The following CUX2 variants were observed in gnomAD, a reference collection of about 807,000 sequenced individuals.
CUX2 encodes the protein cut like homeobox 2, also known as homeobox protein cut-like 2.
In CUX2, 40 loss-of-function variants were observed where a neutral mutation model predicts 144.8. The ratio of observed to expected loss-of-function variants is 0.28; its 90% CI spans 0.21 to 0.36. CUX2 has a LOEUF of 0.36. CUX2 is among the 10% of genes least tolerant of loss of function. The pLI, the probability that CUX2 is intolerant of heterozygous loss-of-function variation, is 1.00. For missense variants in CUX2, 1,615 were observed against 1,994.0 expected (o/e 0.81, Z 3.62); for synonymous variants, 827 against 875.6 (o/e 0.94, Z 0.98).
In CUX2 at chr12:111,291,531, C is replaced by T; in HGVS notation, c.415C>T (p.Pro139Ser). 1 of 1,610,796 alleles carries T rather than the reference C, an allele frequency of 6.2e-7. No individual in the cohort carries two copies. The highest frequency in any genetic ancestry group is 8.5e-7 in the Non-Finnish European group (1 of 1,178,384). The change falls in exon 5 of 22, where the codon CCC becomes TCC. Residue 139 changes from proline to serine, a missense_variant. By Grantham distance (74) the Pro-to-Ser change is moderately conservative (BLOSUM62 -1). This residue lies in a region of CUX2 where 295 missense variants were observed against 400.2 expected (regional missense o/e 0.74). Coordinates refer to ENST00000261726, the MANE Select transcript of CUX2 (RefSeq NM_015267.4). Reference protein sequence around the residue: ...RDLHTSWKRNPELLSPKEQRE... With the variant: ...RDLHTSWKRNSELLSPKEQRE... Reference sequence around the variant, plus strand: ...CCTCCACACTTCGTGGAAGAGGAACCCCGAGCTCCTCAGCCCCAAAGGTAC... The same window carrying T: ...CCTCCACACTTCGTGGAAGAGGAACTCCGAGCTCCTCAGCCCCAAAGGTAC...
chr12:111,179,008 C>T (rs534500000), intron 1 of CUX2, among the ~76,000 whole-genome samples: 2 of 152,248 alleles, frequency 1.3e-5, no homozygotes, highest in Admixed American at 1.3e-4. Flanking sequence ...TTGCTCAAAG[C>T]CAGCAGCAGC....
Position 111,298,602 on chromosome 12 carries a change from A to C in CUX2, c.753+13A>C, listed in dbSNP as rs1366168699. 2.0e-5 allele frequency: 31 copies of C among 1,561,364 alleles called. No individual in the cohort carries two copies. Among genetic ancestry groups the C allele is most frequent in the Non-Finnish European group, 2.6e-5 (30 of 1,151,774 alleles). ...GAAAGCTAATCAGGTGAGGAGGCGC[A>C]GTTCCCACCCGTGGGTGCCAGAGGC... On this transcript the variant is annotated intron_variant, in intron 9 of 21. Coordinates refer to ENST00000261726, the MANE Select transcript of CUX2 (RefSeq NM_015267.4).
At position 111,037,567 on chromosome 12, in the gene CUX2, C is replaced by A. The variant is rs1438259855; in HGVS notation, c.63+3327C>A. 6.6e-6 allele frequency among the ~76,000 whole-genome samples: 1 copy of A among 152,212 alleles called. No homozygotes were observed. The highest frequency in any genetic ancestry group is 2.4e-5 in the African/African-American group (1 of 41,452). On this transcript the variant is annotated intron_variant, in intron 1 of 21. Coordinates refer to ENST00000261726, the MANE Select transcript of CUX2 (RefSeq NM_015267.4). The surrounding 1 kb of genome is among the most constrained non-coding windows in gnomAD (Gnocchi z 5.4). Reference sequence around the variant, plus strand: ...CGGCACTCCTGAAACTACCTCCCCCCGTCTTTGCTTCTTTTTTGCCTTTGC... The same window carrying A: ...CGGCACTCCTGAAACTACCTCCCCCAGTCTTTGCTTCTTTTTTGCCTTTGC...
intron 1 of CUX2, among the ~76,000 whole-genome samples, chr12:111,097,784 T>A (rs1456918245): frequency 6.6e-6 from 1 of 152,118 alleles, no homozygotes; most frequent in African/African-American, 2.4e-5. Context: ...GTGGCTGTTT[T>A]GTACCTGGGG....
At chr12:111,199,374 C>T (rs1321966839) in intron 1 of CUX2, among the ~76,000 whole-genome samples, 3 of 152,148 alleles carry the variant, frequency 2.0e-5, no homozygotes, top group African/African-American at 4.8e-5. Flanking sequence ...TGGTATCCAG[C>T]CCCATCTCTC....
At chr12:111,075,140 G>A (rs1351220865) in intron 1 of CUX2, among the ~76,000 whole-genome samples, 4 of 137,284 alleles carry the variant, frequency 2.9e-5, no homozygotes, top group Non-Finnish European at 6.2e-5. Context: ...AGGAGCAGCC[G>A]CTCTCCCTGG....
intron 1 of CUX2, among the ~76,000 whole-genome samples, chr12:111,209,762 C>T (rs965716761): frequency 4.6e-5 from 7 of 152,296 alleles, no homozygotes; most frequent in African/African-American, 1.7e-4. Flanking sequence ...TCCAAGCCCC[C>T]GGCTTCTCCT....
chr12:111,335,745 T>G (rs886081285), intron 19 of CUX2, among the ~76,000 whole-genome samples: 1 of 152,050 alleles, frequency 6.6e-6, no homozygotes, highest in South Asian at 2.1e-4. Context: ...TAAAATTAGC[T>G]GCAAACTTCA....
In CUX2 at chr12:111,035,613, C is replaced by CTTTTTTTT. The variant is rs60539275; in HGVS notation, c.63+1382_63+1389dup. 1.7e-4 allele frequency among the ~76,000 whole-genome samples: 23 copies of CTTTTTTTT among 135,154 alleles called. No individual in the cohort carries two copies. Among genetic ancestry groups the CTTTTTTTT allele is most frequent in the African/African-American group, 6.3e-4 (22 of 34,928 alleles). The allele number at this position is 135,154 out of a possible 152,430, so 88.7% of individuals were successfully genotyped here. Reference sequence around the variant, plus strand: ...CAGTCTGGAGATAAAAAGGGACCCACTTTTTTTTTTTTTTTTAATCCGCCG... The same window carrying CTTTTTTTT: ...CAGTCTGGAGATAAAAAGGGACCCACTTTTTTTTTTTTTTTTTTTTTTTTAATCCGCCG... On this transcript the variant is annotated intron_variant, in intron 1 of 21. Transcript: ENST00000261726. The surrounding 1 kb of genome is among the most constrained non-coding windows in gnomAD (Gnocchi z 6.0).
At chr12:111,174,436 C>A (rs1878723341) in intron 1 of CUX2, among the ~76,000 whole-genome samples, 1 of 152,180 alleles carries the variant, frequency 6.6e-6, no homozygotes, top group Non-Finnish European at 1.5e-5. Flanking sequence ...CCTATGTTGA[C>A]GTGACATTAG....
chr12:111,104,429 A>G (rs965817802), intron 1 of CUX2, among the ~76,000 whole-genome samples: 1 of 152,190 alleles, frequency 6.6e-6, no homozygotes, highest in African/African-American at 2.4e-5. Context: ...TCTGAACCCC[A>G]TCATTTGCAG....
chr12:111,083,639 A>G (rs574935256), intron 1 of CUX2, among the ~76,000 whole-genome samples: 78 of 152,306 alleles, frequency 5.1e-4, no homozygotes, highest in African/African-American at 1.9e-3. Context: ...CTTCCTGTGC[A>G]GTTTAGTGAG....
intron 3 of CUX2, among the ~76,000 whole-genome samples, chr12:111,252,061 C>A (rs1438905800): frequency 6.6e-6 from 1 of 151,962 alleles, no homozygotes; most frequent in African/African-American, 2.4e-5. Context: ...TGGCGTGTGC[C>A]TGTAGTCCCA....
At chr12:111,315,820 G>C (rs887732799) in intron 16 of CUX2, among the ~76,000 whole-genome samples, 7 of 152,042 alleles carry the variant, frequency 4.6e-5, no homozygotes, top group African/African-American at 1.7e-4. Context: ...AGGAGTTTGA[G>C]ACTAGCCTGG....
chr12:111,153,408 T>C (rs886191732), intron 1 of CUX2, among the ~76,000 whole-genome samples: 2 of 152,040 alleles, frequency 1.3e-5, no homozygotes, highest in African/African-American at 4.8e-5. Flanking sequence ...CATCATGGAG[T>C]GTTCTTACAC....
chr12:111,090,763 C>G (rs1006082066), intron 1 of CUX2, among the ~76,000 whole-genome samples: 2 of 152,034 alleles, frequency 1.3e-5, no homozygotes, highest in Admixed American at 1.3e-4. Flanking sequence ...TCATTTTGTC[C>G]GGTGGTTTTT....
chr12:111,176,520 C>A (rs1468925053), intron 1 of CUX2, among the ~76,000 whole-genome samples: 1 of 152,154 alleles, frequency 6.6e-6, no homozygotes, highest in Non-Finnish European at 1.5e-5. Context: ...GGGCTGTGGG[C>A]AGGATTAAAT....
intron 3 of CUX2, among the ~76,000 whole-genome samples, chr12:111,218,212 A>G (rs1255933744): frequency 6.6e-6 from 1 of 152,172 alleles, no homozygotes; most frequent in Admixed American, 6.5e-5. Context: ...GCTCTGCTAC[A>G]TGTGAGATCT....
chr12:111,346,770 G>C (rs1301627879), intron 21 of CUX2, among the ~76,000 whole-genome samples: 1 of 152,118 alleles, frequency 6.6e-6, no homozygotes, highest in East Asian at 1.9e-4. Flanking sequence ...CCCAGCACTT[G>C]GGGAGGCCAA....
Sources: gnomAD v4.1 joint callset for allele counts (sites outside exome capture counted in the v4.1 genomes callset) on GRCh38, gnomAD v4.1.1 for gene constraint, gnomAD v4.1.1 regional missense constraint, Gnocchi (gnomAD v3.1) non-coding constraint, MANE v1.5 for transcripts, NCBI Gene and HGNC (gene_info 2026-07-23, HGNC 2026-07-21) for gene names.